Variants in QRFPR observed in about 807,000 individuals in gnomAD.
QRFPR encodes pyroglutamylated RF-amide peptide receptor.
A neutral mutation model predicts 31.3 loss-of-function variants in QRFPR; 37 were observed. The ratio of observed to expected loss-of-function variants is 1.18; its 90% CI spans 0.91 to 1.56. QRFPR has a LOEUF of 1.56. Among genes scored for constraint, QRFPR ranks in the 40% most tolerant of loss-of-function variants. QRFPR has a pLI of 0.00. For missense variants in QRFPR, 542 were observed against 532.5 expected (o/e 1.02, Z -0.18); for synonymous variants, 197 against 192.0 (o/e 1.03, Z -0.22).
At position 121,328,886 on chromosome 4, in the gene QRFPR, G is replaced by C. The variant is rs531022706; in HGVS notation, c.*428C>G. 2.6e-5 allele frequency among the ~76,000 whole-genome samples: 4 copies of C among 152,288 alleles called. No homozygotes were observed. In the East Asian group the frequency reaches 7.8e-4, roughly 30 times the overall value. ...TTCTCCCGCCTGAGGCTCCCAAGTAGCTGGGACTACAGGTGCCCGCCACCA... is the reference window on the plus strand; with the variant it reads ...TTCTCCCGCCTGAGGCTCCCAAGTACCTGGGACTACAGGTGCCCGCCACCA... On this transcript the variant is annotated 3_prime_UTR_variant, in exon 6 of 6. Transcript: ENST00000394427.
At chr4:121,347,059 C>T (rs972433128) in intron 1 of QRFPR, among the ~76,000 whole-genome samples, 2 of 152,124 alleles carry the variant, frequency 1.3e-5, no homozygotes, top group Non-Finnish European at 2.9e-5. Context: ...GGAACTATTT[C>T]TTCCAATTCT....
chr4:121,337,665 T>C (rs545657975), intron 2 of QRFPR, among the ~76,000 whole-genome samples: 1 of 149,082 alleles, frequency 6.7e-6, no homozygotes, highest in South Asian at 2.1e-4. Context: ...ATCACATGTA[T>C]ACATATGTAA....
chr4:121,372,191 C>G (rs1278520054), intron 1 of QRFPR, among the ~76,000 whole-genome samples: 3 of 152,248 alleles, frequency 2.0e-5, no homozygotes, highest in Admixed American at 2.0e-4. Flanking sequence ...AACTGCCTCA[C>G]AGTGGCTCCT....
At chr4:121,358,481 AT>A (rs1234484046) in intron 1 of QRFPR, among the ~76,000 whole-genome samples, 2 of 152,328 alleles carry the variant, frequency 1.3e-5, no homozygotes, top group East Asian at 1.9e-4. Context: ...CAAATAAATG[AT>A]AACTGAAAAG....
At chr4:121,333,924 C>T (rs1017669369) in intron 3 of QRFPR, among the ~76,000 whole-genome samples, 4 of 152,158 alleles carry the variant, frequency 2.6e-5, no homozygotes, top group African/African-American at 9.7e-5. Flanking sequence ...GAAATTTTAT[C>T]ACCAGTCTTC....
chr4:121,361,527 A>G (rs1725991722), intron 1 of QRFPR, among the ~76,000 whole-genome samples: 1 of 150,136 alleles, frequency 6.7e-6, no homozygotes, highest in Admixed American at 6.6e-5. Flanking sequence ...GAACACAGCA[A>G]TGATATATTT....
intron 3 of QRFPR, among the ~76,000 whole-genome samples, chr4:121,335,606 G>A (rs1343752703): frequency 1.3e-5 from 2 of 150,784 alleles, no homozygotes; most frequent in African/African-American, 4.9e-5. Context: ...GAGGAGTGGG[G>A]CAGGGGAGAG....
At chr4:121,330,745 G>A (rs976367501) in intron 4 of QRFPR, among the ~76,000 whole-genome samples, 1 of 152,146 alleles carries the variant, frequency 6.6e-6, no homozygotes, top group African/African-American at 2.4e-5. Flanking sequence ...CTGGCACTCT[G>A]CTAGATGCAT....
chr4:121,359,408 C>T (rs947204200), intron 1 of QRFPR, among the ~76,000 whole-genome samples: 1 of 152,044 alleles, frequency 6.6e-6, no homozygotes, highest in Non-Finnish European at 1.5e-5. Context: ...TAATCAGCTG[C>T]CAGTGAATAT....
chr4:121,345,349 C>T (rs948301653), intron 1 of QRFPR, among the ~76,000 whole-genome samples: 1 of 152,210 alleles, frequency 6.6e-6, no homozygotes, highest in Non-Finnish European at 1.5e-5. Context: ...ATTTCTTCAG[C>T]TTCACGCTGA....
chr4:121,352,110 T>A (rs1419409375), intron 1 of QRFPR, among the ~76,000 whole-genome samples: 1 of 152,176 alleles, frequency 6.6e-6, no homozygotes, highest in East Asian at 1.9e-4. Flanking sequence ...GGAATAAATA[T>A]TTTTTGTTTT....
intron 3 of QRFPR, 141 bp downstream of exon 3, chr4:121,336,666 T>C (rs1270504177): frequency 1.4e-6 from 1 of 730,560 alleles, no homozygotes; most frequent in African/African-American, 1.7e-5. Flanking sequence ...AATCATTTTA[T>C]TCCACTTAAA....
chr4:121,368,042 T>A (rs767774214), intron 1 of QRFPR, among the ~76,000 whole-genome samples: 3 of 149,604 alleles, frequency 2.0e-5, no homozygotes, highest in African/African-American at 5.0e-5. Flanking sequence ...AAACAAAAAA[T>A]TGGGTATTTG....
intron 1 of QRFPR, among the ~76,000 whole-genome samples, chr4:121,346,010 T>C (rs1359225798): frequency 6.6e-6 from 1 of 152,108 alleles, no homozygotes; most frequent in Non-Finnish European, 1.5e-5. Context: ...ATTTAGAAAA[T>C]AGTATAATGA....
chr4:121,370,090 G>T (rs112073487), intron 1 of QRFPR: 1 of 771,466 alleles, frequency 1.3e-6, no homozygotes, highest in East Asian at 2.4e-5. Context: ...GTCAATGGCC[G>T]ATGACAGGGA....
At chr4:121,365,579 TATTA>T (rs1726101213) in intron 1 of QRFPR, among the ~76,000 whole-genome samples, 1 of 1,090 alleles carries the variant, frequency 9.2e-4, no homozygotes, top group Non-Finnish European at 1.8e-3. Context: ...ATATAATATA[TATTA>T]TATATATTAT....
Position 121,379,745 on chromosome 4 carries a change from A to T in QRFPR, c.340+563T>A, listed in dbSNP as rs182154952. The stretch of plus-strand genomic sequence containing the variant: ...CAGTTTTTAAAAGGACTAGTTCAAT[A>T]TATTTTTTCTGCACATGAATTATAT... On this transcript the variant is annotated intron_variant, in intron 1 of 5. Coordinates refer to ENST00000394427, the MANE Select transcript of QRFPR (RefSeq NM_198179.3). Among the ~76,000 whole-genome samples the T allele has an allele frequency of 2.3e-3, 357 of 152,256 alleles. 2 individuals are homozygous for T. The highest frequency in any genetic ancestry group is 8.1e-3 in the African/African-American group (338 of 41,538).
chr4:121,330,221 T>A (rs1230212614), intron 5 of QRFPR, among the ~76,000 whole-genome samples: 1 of 152,208 alleles, frequency 6.6e-6, no homozygotes, highest in Non-Finnish European at 1.5e-5. Flanking sequence ...AGCTTTGATC[T>A]TCTGTAATTA....
At chr4:121,353,078 TTG>T (rs1218282280) in intron 1 of QRFPR, among the ~76,000 whole-genome samples, 1 of 152,116 alleles carries the variant, frequency 6.6e-6, no homozygotes, top group Non-Finnish European at 1.5e-5. Context: ...TAATATTCCA[TTG>T]TGTGCATGTA....
Sources: allele counts gnomAD v4.1 joint callset (sites outside exome capture counted in the v4.1 genomes callset), GRCh38; gene constraint gnomAD v4.1.1; transcripts MANE v1.5; gene names NCBI Gene and HGNC (gene_info 2026-07-23, HGNC 2026-07-21).